KCNT1: variants seen among roughly 807,000 people sequenced by gnomAD.
KCNT1 encodes the protein potassium channel subfamily T member 1.
KCNT1 carries 78 observed loss-of-function variants against 147.8 expected under a neutral mutation model. The ratio of observed to expected loss-of-function variants is 0.53; its 90% CI spans 0.44 to 0.64. The LOEUF (loss-of-function observed/expected upper bound fraction) is 0.64, where lower values mean the gene tolerates loss of function less well. Ranked by LOEUF, KCNT1 falls within the 30% of genes least tolerant of loss-of-function variation. The probability of loss-of-function intolerance (pLI) is 0.00; values close to 1 mark genes in which losing one functional copy is unlikely to be tolerated. For synonymous variants in KCNT1, 867 were observed against 748.8 expected (o/e 1.16, Z -2.58); for missense variants, 1,419 against 1,750.3 (o/e 0.81, Z 3.38).
At chr9:135,768,548 AC>A (rs1269463400) in intron 13 of KCNT1, 61 bp from the exon 14 acceptor site, 41 of 1,387,608 alleles carry the variant, frequency 3.0e-5, no homozygotes, top group Non-Finnish European at 3.2e-5. Flanking sequence ...TCACCTCCGC[AC>A]CCCCGGCTGC....
chr9:135,763,772 G>A (rs911023657), intron 11 of KCNT1, among the ~76,000 whole-genome samples: 2 of 152,196 alleles, frequency 1.3e-5, no homozygotes, highest in Non-Finnish European at 2.9e-5. Flanking sequence ...ACATGGCGAG[G>A]TTCTGGGCAG....
intron 12 of KCNT1, 61 bp from the exon 13 acceptor site, chr9:135,765,563 A>C (rs542813770): frequency 6.4e-7 from 1 of 1,553,830 alleles, no homozygotes; most frequent in East Asian, 2.3e-5. Context: ...TCCTGAAGGC[A>C]GGGCCGCCCG....
In KCNT1 at chr9:135,757,305, G is replaced by A; in HGVS notation, c.683G>A (p.Trp228Ter). ...NTLPFIITIF[W>*]PPLRNLFIPV... is the part of the protein sequence containing the mutation. ...GACCTGTCCCCTTCACAGATCTTCT[G>A]GCCGCCGCTGCGGAACCTGTTCATC... is the stretch of plus-strand genomic sequence containing the variant. The change falls in exon 9 of 31, where the codon TGG (tryptophan) becomes TAG (stop). Residue 228 changes from tryptophan (W) to a stop codon, truncating the protein, a stop_gained. Transcript: ENST00000371757. LOFTEE classifies it high-confidence loss of function. 6.2e-7 allele frequency: 1 copy of A among 1,612,444 alleles called. No homozygotes were observed. Among genetic ancestry groups the A allele is most frequent in the Non-Finnish European group, 8.5e-7 (1 of 1,179,976 alleles).
At chr9:135,785,187 C>A in intron 27 of KCNT1, 123 bp from the exon 28 acceptor site, 2 of 1,419,622 alleles carry the variant, frequency 1.4e-6, no homozygotes, top group East Asian at 2.3e-5. Flanking sequence ...GTGCTGCAGT[C>A]CACACAGCAG....
intron 1 of KCNT1, among the ~76,000 whole-genome samples, chr9:135,705,152 C>T (rs559865531): frequency 6.6e-6 from 1 of 152,312 alleles, no homozygotes; most frequent in South Asian, 2.1e-4. Context: ...AGTAGTGGGG[C>T]CTTGCTGTGG....
In KCNT1 at chr9:135,765,071, C is replaced by T. The variant is rs1832163598; in HGVS notation, c.1076C>T (p.Ser359Leu). Residue 359 changes from serine (S) to leucine (L), a missense_variant, in exon 12 of 31, where the codon TCA (serine) becomes TTA (leucine). Transcript: ENST00000371757. ...LVYLWMERQK[S>L]GGNYSRHRAQ... ...TACCTCTGGATGGAGCGGCAGAAGT[C>T]AGGGGGCAACTACAGCCGCCACCGT... 1.2e-6 allele frequency: 2 copies of T among 1,613,062 alleles called. No homozygotes were observed. The highest frequency in any genetic ancestry group is 1.7e-6 in the Non-Finnish European group (2 of 1,179,850).
intron 2 of KCNT1, among the ~76,000 whole-genome samples, chr9:135,724,267 A>AGGGGGCACCATCTGCACAGGT (rs1293066546): frequency 1.3e-5 from 2 of 152,208 alleles, no homozygotes; most frequent in Non-Finnish European, 2.9e-5. Flanking sequence ...GGGGTGGCTC[A>AGGGGGCACCATCTGCACAGGT]GGGGGCACCA....
intron 18 of KCNT1, chr9:135,771,309 C>G (rs771146702): frequency 3.0e-5 from 18 of 606,786 alleles, no homozygotes; most frequent in Middle Eastern, 4.3e-4. Context: ...GAGACCAGAC[C>G]GGGCAGGGCA....
chr9:135,762,981 C>A (rs910802768), intron 11 of KCNT1, among the ~76,000 whole-genome samples: 1 of 152,268 alleles, frequency 6.6e-6, no homozygotes, highest in Non-Finnish European at 1.5e-5. Flanking sequence ...TCCCTCAGAT[C>A]AGCCACTGCC....
At chr9:135,788,163 G>C in intron 29 of KCNT1, 1 of 1,612,306 alleles carries the variant, frequency 6.2e-7, no homozygotes, top group Non-Finnish European at 8.5e-7. Flanking sequence ...TATTTGCAAG[G>C]TAATTCTGCC....
At chr9:135,783,373 A>G (rs1564388725) in intron 24 of KCNT1, among the ~76,000 whole-genome samples, 1 of 152,034 alleles carries the variant, frequency 6.6e-6, no homozygotes, top group Non-Finnish European at 1.5e-5. Context: ...GGAGCTGGAA[A>G]AGGCAAGAGA....
At chr9:135,712,170 G>T (rs1004112076) in intron 1 of KCNT1, among the ~76,000 whole-genome samples, 3 of 152,188 alleles carry the variant, frequency 2.0e-5, no homozygotes, top group Non-Finnish European at 4.4e-5. Flanking sequence ...TGTCTAGGGG[G>T]TGTGCTGTGT....
chr9:135,751,829 G>A (rs372963860), intron 4 of KCNT1, among the ~76,000 whole-genome samples: 119 of 152,262 alleles, frequency 7.8e-4, no homozygotes, highest in African/African-American at 2.6e-3. Context: ...CCTGGCACTC[G>A]GATGCTGTGC....
At chr9:135,784,420 G>A (rs1203333335) in intron 25 of KCNT1, 115 bp from the exon 26 acceptor site, 10 of 772,942 alleles carry the variant, frequency 1.3e-5, no homozygotes, top group Middle Eastern at 3.6e-4. Flanking sequence ...GAGGGGTGGC[G>A]AGCCCGTGGC....
rs183640159 is a variant in KCNT1 at position 135,779,112 on chromosome 9, A to C, written c.2730-247A>C. ...ACTCTGCCCAGAGACCCCCACAGCC[A>C]CGACCACAAGCCCTCCACCCTGAGA... On this transcript the variant is annotated intron_variant, in intron 23 of 30. Transcript: ENST00000371757. Among the ~76,000 whole-genome samples the C allele has an allele frequency of 8.6e-3, 856 of 99,280 alleles. 15 individuals carry two copies. The highest frequency in any genetic ancestry group is 0.031 in the African/African-American group (804 of 25,662). 65.1% of individuals were successfully genotyped at this position (99,280 alleles called of 152,430 possible).
At chr9:135,777,560 T>TG (rs1833256973) in intron 21 of KCNT1, 50 bp downstream of exon 21, 1 of 1,402,860 alleles carries the variant, frequency 7.1e-7, no homozygotes, top group East Asian at 3.0e-5. Flanking sequence ...CCCTCAGACC[T>TG]GCAGCCAGCA....
intron 3 of KCNT1, 139 bp downstream of exon 3, chr9:135,750,316 C>T: frequency 4.0e-6 from 2 of 496,744 alleles, no homozygotes; most frequent in Admixed American, 2.5e-5. Context: ...GCTGCGGGGG[C>T]ATTTGGAAGC....
intron 19 of KCNT1, among the ~76,000 whole-genome samples, chr9:135,774,930 T>C (rs1164156052): frequency 2.0e-5 from 3 of 152,072 alleles, no homozygotes; most frequent in Non-Finnish European, 4.4e-5. Flanking sequence ...AAGGCCCTGA[T>C]GGGGCTAAGT....
chr9:135,751,641 C>T (rs1448787424), intron 4 of KCNT1, among the ~76,000 whole-genome samples: 1 of 152,188 alleles, frequency 6.6e-6, no homozygotes, highest in Admixed American at 6.5e-5. Context: ...GCTGTTGCTG[C>T]TTCGAGAAGT....
Sources: gnomAD v4.1 joint callset for allele counts (sites outside exome capture counted in the v4.1 genomes callset) on GRCh38, gnomAD v4.1.1 for gene constraint, MANE v1.5 for transcripts, NCBI Gene and HGNC (gene_info 2026-07-23, HGNC 2026-07-21) for gene names.